The following SPAG16 variants were observed in gnomAD, a reference collection of about 807,000 sequenced individuals.
SPAG16 encodes the protein sperm-associated antigen 16 protein.
A neutral mutation model predicts 80.4 loss-of-function variants in SPAG16; 86 were observed. That is an observed-to-expected ratio of 1.07 (90% confidence interval 0.90 to 1.28). The LOEUF is 1.28. Ranked by LOEUF, SPAG16 falls within the 50% of genes most tolerant of loss-of-function variation. SPAG16 has a pLI of 0.00. For synonymous variants in SPAG16, 294 were observed against 265.9 expected (o/e 1.11, Z -1.03); for missense variants, 870 against 765.3 (o/e 1.14, Z -1.61).
intron 1 of SPAG16, among the ~76,000 whole-genome samples, chr2:213,288,212 C>G (rs766803356): frequency 6.6e-6 from 1 of 152,162 alleles, no homozygotes; most frequent in Non-Finnish European, 1.5e-5. Flanking sequence ...GCCACTGTAC[C>G]AGGCTGCTGT....
chr2:214,140,198 T>C (rs997890089), intron 14 of SPAG16, among the ~76,000 whole-genome samples: 5 of 152,014 alleles, frequency 3.3e-5, no homozygotes, highest in Non-Finnish European at 7.4e-5. Flanking sequence ...AGTTTCCTTT[T>C]TCTCTCTCTT....
At chr2:214,239,709 G>A (rs1238433091) in intron 15 of SPAG16, 1 of 152,144 alleles carries the variant, frequency 6.6e-6, no homozygotes, top group Non-Finnish European at 1.5e-5. Context: ...TGTCAGAGCT[G>A]CACTGGAGCT....
At chr2:213,937,142 T>C (rs993578578) in intron 12 of SPAG16, among the ~76,000 whole-genome samples, 2 of 152,036 alleles carry the variant, frequency 1.3e-5, no homozygotes, top group African/African-American at 4.8e-5. Context: ...ACAATGGAGT[T>C]TAGTATTTAT....
intron 10 of SPAG16, among the ~76,000 whole-genome samples, chr2:213,676,272 G>A (rs1413512488): frequency 1.3e-5 from 2 of 152,154 alleles, no homozygotes; most frequent in Non-Finnish European, 2.9e-5. Flanking sequence ...TCAGCTTAAC[G>A]AGATTTTGGG....
intron 15 of SPAG16, among the ~76,000 whole-genome samples, chr2:214,330,795 G>A (rs10182104): frequency 4.6e-5 from 7 of 152,184 alleles, no homozygotes; most frequent in African/African-American, 1.7e-4. Flanking sequence ...TCTCAGCTGG[G>A]AGAATGAATG....
intron 10 of SPAG16, among the ~76,000 whole-genome samples, chr2:213,532,493 G>A (rs145694066): frequency 7.2e-6 from 1 of 138,674 alleles, no homozygotes; most frequent in African/African-American, 2.8e-5. Flanking sequence ...ATGGAGTCTT[G>A]CTCTGTTGCC....
chr2:213,422,894 C>G (rs1017941130), intron 9 of SPAG16, among the ~76,000 whole-genome samples: 1 of 152,224 alleles, frequency 6.6e-6, no homozygotes, highest in Non-Finnish European at 1.5e-5. Context: ...CTAACAGCAT[C>G]CTTAGTCTAT....
At chr2:214,285,279 G>A (rs1216338753) in intron 15 of SPAG16, among the ~76,000 whole-genome samples, 1 of 152,036 alleles carries the variant, frequency 6.6e-6, no homozygotes, top group East Asian at 1.9e-4. Flanking sequence ...CCTTGGAAAA[G>A]TATCTACTCA....
intron 9 of SPAG16, among the ~76,000 whole-genome samples, chr2:213,432,882 A>G (rs962392190): frequency 6.6e-6 from 1 of 152,178 alleles, no homozygotes; most frequent in African/African-American, 2.4e-5. Flanking sequence ...ATCCAAGAGC[A>G]CTCCAAAAAG....
intron 9 of SPAG16, among the ~76,000 whole-genome samples, chr2:213,396,128 C>T (rs1429967669): frequency 6.6e-6 from 1 of 152,108 alleles, no homozygotes; most frequent in African/African-American, 2.4e-5. Flanking sequence ...AGGTAATTAT[C>T]TTCACCTTAC....
intron 10 of SPAG16, among the ~76,000 whole-genome samples, chr2:213,595,372 A>G (rs904068277): frequency 6.6e-6 from 1 of 152,134 alleles, no homozygotes. Context: ...TAGAATAACA[A>G]TTGAGTTTAT....
intron 12 of SPAG16, among the ~76,000 whole-genome samples, chr2:213,949,608 A>C (rs887387393): frequency 6.6e-6 from 1 of 152,176 alleles, no homozygotes; most frequent in Non-Finnish European, 1.5e-5. Flanking sequence ...TTGGTACTCA[A>C]CCTTGGTCAT....
chr2:214,024,352 T>C (rs2125019541), intron 13 of SPAG16, among the ~76,000 whole-genome samples: 1 of 151,744 alleles, frequency 6.6e-6, no homozygotes, highest in African/African-American at 2.4e-5. Flanking sequence ...TTTTAGAGTA[T>C]TTTATTAGGA....
chr2:214,214,084 A>C (rs2372251), intron 15 of SPAG16, among the ~76,000 whole-genome samples: 152,284 of 152,302 alleles, frequency 1, 76,133 homozygotes, highest in Middle Eastern at 1. Flanking sequence ...CCATATCAAT[A>C]TTTTTTTATT....
At chr2:213,810,879 TTGTC>T (rs1051359149) in intron 10 of SPAG16, among the ~76,000 whole-genome samples, 1 of 152,140 alleles carries the variant, frequency 6.6e-6, no homozygotes, top group African/African-American at 2.4e-5. Context: ...GTTGTGGCAA[TTGTC>T]TGTTTTGCAG....
chr2:214,200,546 C>A (rs993728085), intron 15 of SPAG16, among the ~76,000 whole-genome samples: 1 of 151,944 alleles, frequency 6.6e-6, no homozygotes, highest in African/African-American at 2.4e-5. Context: ...TCTGTAGTTT[C>A]CTTTTTTCAT....
intron 15 of SPAG16, among the ~76,000 whole-genome samples, chr2:214,228,228 T>G (rs1478417182): frequency 2.6e-5 from 4 of 151,990 alleles, no homozygotes; most frequent in Non-Finnish European, 5.9e-5. Context: ...GTTAACTTTC[T>G]GCAAATTTCA....
chr2:213,683,809 G>A (rs1291791545), intron 10 of SPAG16, among the ~76,000 whole-genome samples: 2 of 152,016 alleles, frequency 1.3e-5, no homozygotes, highest in East Asian at 3.9e-4. Context: ...GAAAAACTAG[G>A]CCAGTGTACT....
At chr2:214,268,530 G>A (rs548691026) in intron 15 of SPAG16, among the ~76,000 whole-genome samples, 5 of 152,014 alleles carry the variant, frequency 3.3e-5, no homozygotes, top group African/African-American at 1.2e-4. Context: ...ATTGTCTTAA[G>A]TGAAATATCT....
Sources: gnomAD v4.1 joint callset for allele counts (sites outside exome capture counted in the v4.1 genomes callset) on GRCh38, gnomAD v4.1.1 for gene constraint, MANE v1.5 for transcripts, NCBI Gene and HGNC (gene_info 2026-07-23, HGNC 2026-07-21) for gene names.